The following NRXN3 variants were observed in gnomAD, a reference collection of about 807,000 sequenced individuals.
NRXN3 encodes the protein neurexin 3.
A neutral mutation model predicts 137.6 loss-of-function variants in NRXN3; 32 were observed. The ratio of observed to expected loss-of-function variants is 0.23; its 90% CI spans 0.18 to 0.31. The LOEUF is 0.31. Ranked by LOEUF, NRXN3 falls within the 10% of genes least tolerant of loss-of-function variation. NRXN3 has a pLI of 1.00. For synonymous variants in NRXN3, 798 were observed against 784.5 expected (o/e 1.02, Z -0.29); for missense variants, 1,574 against 2,062.5 (o/e 0.76, Z 4.59).
intron 15 of NRXN3, among the ~76,000 whole-genome samples, chr14:79,027,240 T>C (rs1051049148): frequency 2.0e-4 from 31 of 151,840 alleles, no homozygotes; most frequent in Admixed American, 1.3e-3. Context: ...TTGGGAGGAA[T>C]AGTAAGCAAG....
At chr14:78,594,047 G>C (rs931823654) in intron 4 of NRXN3, among the ~76,000 whole-genome samples, 3 of 152,146 alleles carry the variant, frequency 2.0e-5, no homozygotes, top group Non-Finnish European at 2.9e-5. Context: ...GCATGCCCTC[G>C]GCACGCAACA....
At chr14:78,915,002 G>C (rs148042946) in intron 10 of NRXN3, among the ~76,000 whole-genome samples, 23 of 152,172 alleles carry the variant, frequency 1.5e-4, no homozygotes, top group African/African-American at 5.3e-4. Flanking sequence ...CAGTAATAGA[G>C]GAGAAAGCAA....
At chr14:78,993,491 C>T (rs904686460) in intron 15 of NRXN3, among the ~76,000 whole-genome samples, 1 of 152,156 alleles carries the variant, frequency 6.6e-6, no homozygotes, top group African/African-American at 2.4e-5. Context: ...TGTGTTCATT[C>T]CCCGCCATTG....
intron 6 of NRXN3, chr14:78,703,897 A>T (rs1192904067): frequency 6.6e-6 from 1 of 152,208 alleles, no homozygotes; most frequent in East Asian, 1.9e-4. Flanking sequence ...CAGGTGGTAA[A>T]CCTCCTATTC....
At chr14:79,235,517 C>A (rs1470232027) in intron 15 of NRXN3, among the ~76,000 whole-genome samples, 1 of 152,126 alleles carries the variant, frequency 6.6e-6, no homozygotes, top group Non-Finnish European at 1.5e-5. Context: ...GTCTATGATC[C>A]CATTCACAGA....
intron 1 of NRXN3, among the ~76,000 whole-genome samples, chr14:78,238,347 G>T (rs2066617933): frequency 6.6e-6 from 1 of 152,300 alleles, no homozygotes; most frequent in African/African-American, 2.4e-5. Context: ...GGCCCTGCAT[G>T]CAGGCTCTGG....
At chr14:79,528,271 G>A (rs2097139581) in intron 16 of NRXN3, among the ~76,000 whole-genome samples, 1 of 152,150 alleles carries the variant, frequency 6.6e-6, no homozygotes, top group African/African-American at 2.4e-5. Flanking sequence ...CATCATAGCT[G>A]TACTTGATAA....
intron 15 of NRXN3, among the ~76,000 whole-genome samples, chr14:79,065,737 G>A (rs531839830): frequency 3.3e-5 from 5 of 152,020 alleles, no homozygotes; most frequent in Non-Finnish European, 7.4e-5. Flanking sequence ...CCCCAATCTC[G>A]GCCTTGATGT....
chr14:79,091,075 TAAA>T (rs5809922), intron 15 of NRXN3, among the ~76,000 whole-genome samples: 11 of 143,948 alleles, frequency 7.6e-5, no homozygotes, highest in Non-Finnish European at 9.1e-5. Context: ...TTTGTCTCAG[TAAA>T]AAAAAAAAAA....
intron 19 of NRXN3, among the ~76,000 whole-genome samples, chr14:79,741,297 G>T (rs1212889093): frequency 2.6e-5 from 4 of 152,010 alleles, no homozygotes; most frequent in Admixed American, 6.6e-5. Context: ...CTAAATCTAA[G>T]ACCAAAAACA....
At chr14:78,670,857 G>A (rs768881192) in intron 6 of NRXN3, among the ~76,000 whole-genome samples, 4 of 152,184 alleles carry the variant, frequency 2.6e-5, no homozygotes, top group Non-Finnish European at 5.9e-5. Context: ...TAGGTATGCT[G>A]GAGGAGAGGC....
At chr14:79,089,145 A>G (rs1008930918) in intron 15 of NRXN3, among the ~76,000 whole-genome samples, 3 of 152,154 alleles carry the variant, frequency 2.0e-5, no homozygotes, top group Non-Finnish European at 4.4e-5. Flanking sequence ...GGATAAGTCA[A>G]TAGAGCTGCT....
At chr14:78,858,049 A>G (rs979561045) in intron 10 of NRXN3, among the ~76,000 whole-genome samples, 2 of 152,204 alleles carry the variant, frequency 1.3e-5, no homozygotes, top group Admixed American at 6.5e-5. Context: ...TACGAAGGAA[A>G]GTTTCTGAAA....
chr14:79,825,877 A>C (rs1331934022), intron 20 of NRXN3, among the ~76,000 whole-genome samples: 2 of 152,252 alleles, frequency 1.3e-5, no homozygotes, highest in Non-Finnish European at 2.9e-5. Flanking sequence ...AACTGTAGTT[A>C]TAGATCCTCC....
chr14:78,779,674 A>G (rs2098761683), intron 8 of NRXN3, among the ~76,000 whole-genome samples: 1 of 152,208 alleles, frequency 6.6e-6, no homozygotes, highest in Non-Finnish European at 1.5e-5. Context: ...TACAATTATA[A>G]TTACCAATTA....
At chr14:78,982,524 G>A (rs1039032049) in intron 14 of NRXN3, among the ~76,000 whole-genome samples, 1 of 152,034 alleles carries the variant, frequency 6.6e-6, no homozygotes, top group South Asian at 2.1e-4. Context: ...TTTAACAAAG[G>A]TGCCACAAGT....
rs746606255 is a variant in NRXN3 at position 78,561,707 on chromosome 14, C to T, written c.758-83413C>T. 3.3e-5 allele frequency among the ~76,000 whole-genome samples: 5 copies of T among 152,312 alleles called. No individual in the cohort carries two copies. In the East Asian group the frequency reaches 5.8e-4, roughly 18 times the overall value. The stretch of plus-strand genomic sequence containing the variant: ...CCTGGAACATACTCCAATTTGTCAT[C>T]GGCTCCTCTTAAATTCAGCACTCAG... On this transcript the variant is annotated intron_variant, in intron 4 of 20. Transcript: ENST00000335750.
At chr14:79,296,952 G>T (rs1264195769) in intron 15 of NRXN3, among the ~76,000 whole-genome samples, 1 of 152,172 alleles carries the variant, frequency 6.6e-6, no homozygotes, top group Non-Finnish European at 1.5e-5. Flanking sequence ...TCACTCAAAG[G>T]TCCTTCTGCC....
At chr14:79,294,867 G>T (rs887549517) in intron 15 of NRXN3, among the ~76,000 whole-genome samples, 2 of 152,156 alleles carry the variant, frequency 1.3e-5, no homozygotes, top group African/African-American at 4.8e-5. Context: ...TCATTAAAAT[G>T]ATACTTAGAT....
Sources: gnomAD v4.1 joint callset for allele counts (sites outside exome capture counted in the v4.1 genomes callset) on GRCh38, gnomAD v4.1.1 for gene constraint, MANE v1.5 for transcripts, NCBI Gene and HGNC (gene_info 2026-07-23, HGNC 2026-07-21) for gene names.